The following KHDRBS3 variants were observed in gnomAD, a reference collection of about 807,000 sequenced individuals.
KHDRBS3 encodes KH domain-containing, RNA-binding, signal transduction-associated protein 3.
In KHDRBS3, 23 loss-of-function variants were observed where a neutral mutation model predicts 45.6. The ratio of observed to expected loss-of-function variants is 0.50; its 90% CI spans 0.36 to 0.72. The LOEUF is 0.72. Ranked by LOEUF, KHDRBS3 falls within the 30% of genes least tolerant of loss-of-function variation. The probability of loss-of-function intolerance (pLI) is 0.00; values close to 1 mark genes in which losing one functional copy is unlikely to be tolerated. For synonymous variants in KHDRBS3, 162 were observed against 156.5 expected (o/e 1.04, Z -0.26); for missense variants, 352 against 424.8 (o/e 0.83, Z 1.51).
intron 1 of KHDRBS3, among the ~76,000 whole-genome samples, chr8:135,490,166 C>G (rs1430578260): frequency 6.6e-6 from 1 of 152,084 alleles, no homozygotes; most frequent in East Asian, 1.9e-4. Flanking sequence ...CCATGATGTT[C>G]CCACAGAAAC....
chr8:135,479,655 G>A (rs1372372818), intron 1 of KHDRBS3, among the ~76,000 whole-genome samples: 3 of 152,136 alleles, frequency 2.0e-5, no homozygotes, highest in Admixed American at 1.3e-4. Flanking sequence ...GCCTCTGTTG[G>A]CATTAATCCC....
At chr8:135,494,427 C>T (rs1490458438) in intron 1 of KHDRBS3, among the ~76,000 whole-genome samples, 3 of 151,706 alleles carry the variant, frequency 2.0e-5, no homozygotes, top group African/African-American at 2.4e-5. Context: ...TACAGGCGCC[C>T]GCCACCACGC....
chr8:135,608,678 C>A (rs942485739), intron 7 of KHDRBS3, among the ~76,000 whole-genome samples: 1 of 152,136 alleles, frequency 6.6e-6, no homozygotes, highest in Non-Finnish European at 1.5e-5. Context: ...GATGTATATA[C>A]AGTTATGTGT....
chr8:135,605,903 G>A (rs1025004740), intron 6 of KHDRBS3, among the ~76,000 whole-genome samples: 24 of 151,650 alleles, frequency 1.6e-4, no homozygotes, highest in African/African-American at 3.9e-4. Flanking sequence ...GTTTTTTTGC[G>A]TGTCTCAGTT....
At chr8:135,589,946 A>G (rs1453720974) in intron 6 of KHDRBS3, among the ~76,000 whole-genome samples, 1 of 152,248 alleles carries the variant, frequency 6.6e-6, no homozygotes, top group East Asian at 1.9e-4. Flanking sequence ...TAGTGAACTA[A>G]TAAGTATGAA....
At chr8:135,458,923 T>G (rs527715555) in intron 1 of KHDRBS3, 2 of 456,310 alleles carry the variant, frequency 4.4e-6, no homozygotes, top group African/African-American at 2.0e-5. Flanking sequence ...AAATTAAGCC[T>G]TCCTTCCTGG....
chr8:135,535,904 C>T (rs1563750732), intron 2 of KHDRBS3, among the ~76,000 whole-genome samples: 1 of 152,132 alleles, frequency 6.6e-6, no homozygotes, highest in African/African-American at 2.4e-5. Flanking sequence ...GGCTTTGGTT[C>T]AGGAGAAGGA....
Position 135,516,347 on chromosome 8 carries a change from G to A in KHDRBS3, c.89-4890G>A, listed in dbSNP as rs139791477. Among the ~76,000 whole-genome samples, 6 of 152,262 alleles carry A rather than the reference G, an allele frequency of 3.9e-5. No individual in the cohort carries two copies. In the East Asian group the frequency reaches 7.7e-4, roughly 20 times the overall value. ...CACACTTTTATACATCTGGCAGCATGGAAGGTTTGTTTACACTATCATTGC... is the reference window on the plus strand; with the variant it reads ...CACACTTTTATACATCTGGCAGCATAGAAGGTTTGTTTACACTATCATTGC... On this transcript the variant is annotated intron_variant, in intron 1 of 8. Transcript: ENST00000355849.
intron 7 of KHDRBS3, among the ~76,000 whole-genome samples, chr8:135,617,541 G>A (rs1829970068): frequency 6.6e-6 from 1 of 152,004 alleles, no homozygotes. Flanking sequence ...GCCTCCCAAA[G>A]TTCTGGGATT....
At chr8:135,575,754 C>A (rs990185777) in intron 5 of KHDRBS3, among the ~76,000 whole-genome samples, 1 of 152,030 alleles carries the variant, frequency 6.6e-6, no homozygotes, top group East Asian at 1.9e-4. Context: ...TGGTTTTTCT[C>A]TATTATTAAC....
chr8:135,568,434 A>G (rs566486016), intron 5 of KHDRBS3, among the ~76,000 whole-genome samples: 1 of 152,204 alleles, frequency 6.6e-6, no homozygotes, highest in Non-Finnish European at 1.5e-5. Flanking sequence ...AAATGTTTTA[A>G]AATCTGTAAA....
rs140925251 is a variant in KHDRBS3, at chr8:135,623,403, C to A, written c.890+16366C>A. ...GACCTTGAGCGAGCCGCACAGTAAA[C>A]CTTATGAAACCTTACGCTTAACTAA... On this transcript the variant is annotated intron_variant, in intron 7 of 8. Transcript: ENST00000355849. 3.9e-3 allele frequency among the ~76,000 whole-genome samples: 598 copies of A among 152,234 alleles called. 6 individuals carry two copies. Among genetic ancestry groups the A allele is most frequent in the Non-Finnish European group, 6.2e-3 (422 of 68,018 alleles).
In KHDRBS3 at chr8:135,609,337, C is replaced by G. The variant is rs1829614325; in HGVS notation, c.890+2300C>G. On this transcript the variant is annotated intron_variant, in intron 7 of 8. Transcript: ENST00000355849. ...AAATTTTTTTTTCCCCTCTGTCACCCAGGCTGGAATGCAGTGGCGTGATCT... is the reference window on the plus strand; with the variant it reads ...AAATTTTTTTTTCCCCTCTGTCACCGAGGCTGGAATGCAGTGGCGTGATCT... 3.3e-5 allele frequency among the ~76,000 whole-genome samples: 5 copies of G among 151,156 alleles called. No individual in the cohort carries two copies. In the Middle Eastern group the frequency reaches 0.017, roughly 514 times the overall value.
intron 1 of KHDRBS3, among the ~76,000 whole-genome samples, chr8:135,488,818 C>T (rs1282333884): frequency 6.6e-6 from 1 of 152,322 alleles, no homozygotes; most frequent in Admixed American, 6.5e-5. Context: ...TTGATACTTA[C>T]TGTAGTCAGC....
At chr8:135,633,005 A>G (rs1830667086) in intron 7 of KHDRBS3, among the ~76,000 whole-genome samples, 1 of 151,264 alleles carries the variant, frequency 6.6e-6, no homozygotes, top group Admixed American at 6.6e-5. Context: ...TGACTAAACT[A>G]TAAAATAACA....
At chr8:135,523,236 G>T (rs765325600) in intron 2 of KHDRBS3, among the ~76,000 whole-genome samples, 1 of 152,152 alleles carries the variant, frequency 6.6e-6, no homozygotes, top group Non-Finnish European at 1.5e-5. Flanking sequence ...CATTGCATCT[G>T]TTGAGCAATT....
chr8:135,647,034 G>C lies in KHDRBS3; in HGVS notation c.991G>C (p.Ala331Pro). ...TAACTCAAGACACAAGGCACCTTCA[G>C]CGAGGACAGCAAAGGGCGTCTACAG... ...WTNSRHKAPS[A>P]RTAKGVYRDQ... is the part of the protein sequence containing the mutation. The change falls in exon 9 of 9, where the codon GCG becomes CCG. Residue 331 changes from alanine to proline, a missense_variant. This residue lies in a region of KHDRBS3 where 212 missense variants were observed against 209.6 expected (regional missense o/e 1.01). Coordinates refer to ENST00000355849, the MANE Select transcript of KHDRBS3 (RefSeq NM_006558.3). 1 of 1,611,212 alleles carries C rather than the reference G, an allele frequency of 6.2e-7. No individual in the cohort carries two copies. The highest frequency in any genetic ancestry group is 8.5e-7 in the Non-Finnish European group (1 of 1,177,404).
intron 7 of KHDRBS3, among the ~76,000 whole-genome samples, chr8:135,633,838 G>A (rs1179665279): frequency 6.6e-6 from 1 of 152,168 alleles, no homozygotes; most frequent in Non-Finnish European, 1.5e-5. Flanking sequence ...CCACCAGAGT[G>A]GTGTGTTTGT....
intron 2 of KHDRBS3, among the ~76,000 whole-genome samples, chr8:135,522,341 G>C (rs1245549502): frequency 6.6e-6 from 1 of 152,126 alleles, no homozygotes; most frequent in Non-Finnish European, 1.5e-5. Context: ...TCTTTATCCA[G>C]CCTGTCATTG....
Sources: allele counts gnomAD v4.1 joint callset (sites outside exome capture counted in the v4.1 genomes callset), GRCh38; gene constraint gnomAD v4.1.1; regional missense constraint gnomAD v4.1.1; transcripts MANE v1.5; gene names NCBI Gene and HGNC (gene_info 2026-07-23, HGNC 2026-07-21).